The following SMG7 variants were observed in gnomAD, a reference collection of about 807,000 sequenced individuals.
The protein encoded by SMG7 is SMG7 nonsense mediated mRNA decay factor.
In SMG7, 34 loss-of-function variants were observed where a neutral mutation model predicts 148.2. The observed-to-expected ratio is 0.23, with a 90% CI of 0.17 to 0.31. SMG7 has a LOEUF of 0.31. SMG7 is among the 10% of genes least tolerant of loss of function. SMG7 has a pLI of 1.00. For synonymous variants in SMG7, 492 were observed against 515.1 expected (o/e 0.96, Z 0.61); for missense variants, 1,114 against 1,408.4 (o/e 0.79, Z 3.35).
chr1:183,545,962 T>A lies in SMG7; in HGVS notation c.2371-4T>A. On this transcript the variant is annotated splice_polypyrimidine_tract_variant and splice_region_variant and intron_variant, in intron 16 of 22. Coordinates refer to ENST00000688051, the MANE Select transcript of SMG7 (RefSeq NM_001375584.1). ...CACCTTTATGACAGGCGTCTCTTTT[T>A]TAGTATCAACAGGCAGATGCCTCCA... The A allele has an allele frequency of 1.3e-6, 2 of 1,573,224 alleles. No homozygotes were observed. Among genetic ancestry groups the A allele is most frequent in the Non-Finnish European group, 1.7e-6 (2 of 1,165,038 alleles).
At chr1:183,492,847 T>G (rs1454880555) in intron 1 of SMG7, among the ~76,000 whole-genome samples, 1 of 152,218 alleles carries the variant, frequency 6.6e-6, no homozygotes, top group East Asian at 1.9e-4. Flanking sequence ...TATAAATACC[T>G]CTCTAAGCAC....
In SMG7 at chr1:183,542,153, G is replaced by C. The variant is rs556214694; in HGVS notation, c.1493G>C (p.Ser498Thr). The C allele has an allele frequency of 1.2e-5, 19 of 1,614,008 alleles. No homozygotes were observed. The highest frequency in any genetic ancestry group is 1.6e-5 in the Non-Finnish European group (19 of 1,179,984). ...CCAGAATTAATACTGGAAGACCCCA[G>C]TGAAGCCAAAGAGAACCTCATTCTG... ...EIPELILEDPSEAKENLILQE... is the reference protein window; with the variant it reads ...EIPELILEDPTEAKENLILQE... Residue 498 changes from serine (S) to threonine (T), a missense_variant, in exon 14 of 23, where the codon AGT (serine) becomes ACT (threonine). Coordinates refer to ENST00000688051, the MANE Select transcript of SMG7 (RefSeq NM_001375584.1).
intron 16 of SMG7, 102 bp from the exon 17 acceptor site, chr1:183,545,864 T>TG (rs1270365191): frequency 1.9e-5 from 26 of 1,377,884 alleles, no homozygotes; most frequent in Non-Finnish European, 2.5e-5. Flanking sequence ...TAGAGTTTTG[T>TG]TGGTTGGAAA....
At chr1:183,539,974 T>A (rs1431570050) in intron 12 of SMG7, among the ~76,000 whole-genome samples, 1 of 152,194 alleles carries the variant, frequency 6.6e-6, no homozygotes, top group Non-Finnish European at 1.5e-5. Flanking sequence ...TCCCAGTTGC[T>A]CCACTGTCTC....
chr1:183,526,866 C>A, intron 5 of SMG7, 99 bp downstream of exon 5: 2 of 905,942 alleles, frequency 2.2e-6, no homozygotes, highest in Non-Finnish European at 3.2e-6. Context: ...CATACACACA[C>A]AATTTAGATT....
intron 1 of SMG7, chr1:183,473,014 C>T: frequency 3.3e-6 from 1 of 303,216 alleles, no homozygotes; most frequent in Non-Finnish European, 6.1e-6. Context: ...AGTCTGATCC[C>T]CGTGGCAGGG....
At position 183,552,931 on chromosome 1, in the gene SMG7, G is replaced by A. The variant is rs1340870363; in HGVS notation, c.*1000G>A. ...TTCTTTTACCCAATGCTGTATGCTAGTAATTGTTTTTATTCCTAATGTGTG... is the reference window on the plus strand; with the variant it reads ...TTCTTTTACCCAATGCTGTATGCTAATAATTGTTTTTATTCCTAATGTGTG... On this transcript the variant is annotated 3_prime_UTR_variant, in exon 23 of 23. Coordinates refer to ENST00000688051, the MANE Select transcript of SMG7 (RefSeq NM_001375584.1). 1 of 1,523,492 alleles carries A rather than the reference G, an allele frequency of 6.6e-7. No homozygotes were observed. The highest frequency in any genetic ancestry group is 1.2e-5 in the South Asian group (1 of 83,556). 94.4% of individuals were successfully genotyped at this position (1,523,492 alleles called of 1,614,324 possible). A position where few individuals can be genotyped will look rare whatever the true frequency, so the allele number is the denominator to read the frequency against.
chr1:183,541,359 G>A (rs1036787892), intron 13 of SMG7, among the ~76,000 whole-genome samples: 9 of 152,104 alleles, frequency 5.9e-5, no homozygotes, highest in Admixed American at 1.3e-4. Context: ...CTTGTTTATC[G>A]TGAGTTTCTG....
chr1:183,534,137 T>A (rs1447041807), intron 10 of SMG7, among the ~76,000 whole-genome samples: 2 of 152,152 alleles, frequency 1.3e-5, no homozygotes, highest in Admixed American at 1.3e-4. Flanking sequence ...AGTTTGTTTC[T>A]TATCTATTAC....
At chr1:183,486,968 A>G (rs752507148) in intron 1 of SMG7, among the ~76,000 whole-genome samples, 9 of 152,224 alleles carry the variant, frequency 5.9e-5, no homozygotes, top group Non-Finnish European at 1.3e-4. Flanking sequence ...TAAGAATTGA[A>G]GAATACAGGA....
intron 1 of SMG7, among the ~76,000 whole-genome samples, chr1:183,480,817 C>G (rs1460537299): frequency 6.6e-6 from 1 of 152,174 alleles, no homozygotes; most frequent in Non-Finnish European, 1.5e-5. Flanking sequence ...ACCTTACCTG[C>G]ATTTCTTCCT....
At chr1:183,496,243 C>A (rs997053669) in intron 1 of SMG7, among the ~76,000 whole-genome samples, 45 of 152,162 alleles carry the variant, frequency 3.0e-4, no homozygotes, top group African/African-American at 9.4e-4. Context: ...ACTTTTTATT[C>A]TTTCATTCAG....
intron 8 of SMG7, among the ~76,000 whole-genome samples, chr1:183,530,021 TTATA>T (rs1666578609): frequency 6.6e-6 from 1 of 152,140 alleles, no homozygotes; most frequent in Admixed American, 6.6e-5. Flanking sequence ...TTCATTCTAT[TTATA>T]TATGTGAAAA....
rs201403222 is a variant in SMG7, at chr1:183,533,662, A to AT, written c.1007-5dup. ...CATATTTCTTATGCTTTTTGAATAC[A>AT]TTTTTTTTTCAAGTGTCTTTTCTTG... is the stretch of plus-strand genomic sequence containing the variant. On this transcript the variant is annotated splice_polypyrimidine_tract_variant and intron_variant, in intron 9 of 22. Coordinates refer to ENST00000688051, the MANE Select transcript of SMG7 (RefSeq NM_001375584.1). The AT allele has an allele frequency of 4.7e-4, 738 of 1,560,428 alleles. No homozygotes were observed. Among genetic ancestry groups the AT allele is most frequent in the Non-Finnish European group, 5.3e-4 (609 of 1,143,200 alleles).
Position 183,479,632 on chromosome 1 carries a change from T to G in SMG7, c.29+6983T>G, listed in dbSNP as rs57675437. Reference sequence around the variant, plus strand: ...AACATTTGTACATATTTTAATTTCTTAAATCTGTGTTCTTTTACTGGCAAT... The same window carrying G: ...AACATTTGTACATATTTTAATTTCTGAAATCTGTGTTCTTTTACTGGCAAT... On this transcript the variant is annotated intron_variant, in intron 1 of 22. Coordinates refer to ENST00000688051, the MANE Select transcript of SMG7 (RefSeq NM_001375584.1). Among the ~76,000 whole-genome samples the G allele has an allele frequency of 3.7e-3, 560 of 152,338 alleles. 3 individuals carry two copies. The highest frequency in any genetic ancestry group is 0.013 in the African/African-American group (543 of 41,582).
intron 1 of SMG7, chr1:183,502,312 G>A (rs752628138): frequency 1.3e-5 from 20 of 1,534,396 alleles, no homozygotes; most frequent in Non-Finnish European, 1.7e-5. Flanking sequence ...AGTCATTGTG[G>A]GAGAAAACGT....
At chr1:183,550,012 A>G in intron 20 of SMG7, 89 bp downstream of exon 20, 1 of 814,440 alleles carries the variant, frequency 1.2e-6, no homozygotes, top group Non-Finnish European at 1.9e-6. Context: ...TTACAAATAT[A>G]TCATTTGTTG....
chr1:183,533,154 T>A lies in SMG7; in HGVS notation c.844-10T>A. ...GATAATATATGCAGTACGTCTGTCT[T>A]CTTTTACAGAGGCTGCTATTCCAAA... is the stretch of plus-strand genomic sequence containing the variant. On this transcript the variant is annotated splice_polypyrimidine_tract_variant and intron_variant, in intron 8 of 22. Transcript: ENST00000688051. 1 of 1,612,196 alleles carries A rather than the reference T, an allele frequency of 6.2e-7. No individual in the cohort carries two copies. The highest frequency in any genetic ancestry group is 8.5e-7 in the Non-Finnish European group (1 of 1,178,808).
At chr1:183,473,017 T>G in intron 1 of SMG7, 1 of 284,272 alleles carries the variant, frequency 3.5e-6, no homozygotes. Flanking sequence ...CTGATCCCCG[T>G]GGCAGGGGAC....
Sources: allele counts gnomAD v4.1 joint callset (sites outside exome capture counted in the v4.1 genomes callset), GRCh38; gene constraint gnomAD v4.1.1; transcripts MANE v1.5; gene names NCBI Gene and HGNC (gene_info 2026-07-23, HGNC 2026-07-21).